Variants in BUB1B observed in about 807,000 individuals in gnomAD.
BUB1B encodes the protein BUB1 mitotic checkpoint serine/threonine kinase B.
A neutral mutation model predicts 137.7 loss-of-function variants in BUB1B; 86 were observed. The ratio of observed to expected loss-of-function variants is 0.62; its 90% CI spans 0.52 to 0.75. The LOEUF (loss-of-function observed/expected upper bound fraction) is 0.75. BUB1B is among the 30% of genes least tolerant of loss of function. The pLI is 0.00. For missense variants in BUB1B, 1,130 were observed against 1,236.9 expected (o/e 0.91, Z 1.30); for synonymous variants, 420 against 417.9 (o/e 1.00, Z -0.06).
Position 40,167,177 on chromosome 15 carries a change from G to GT in BUB1B, c.179+1994dup, listed in dbSNP as rs573448255. Reference sequence around the variant, plus strand: ...ACCCATGGCTGTTTATTTTCTGGGTGTTTTTTTTTTTTTAAACTGCTTAGT... The same window carrying GT: ...ACCCATGGCTGTTTATTTTCTGGGTGTTTTTTTTTTTTTTAAACTGCTTAGT... On this transcript the variant is annotated intron_variant, in intron 2 of 22. Transcript: ENST00000287598. 5.3e-3 allele frequency among the ~76,000 whole-genome samples: 716 copies of GT among 135,610 alleles called. 4 individuals are homozygous for GT. Among genetic ancestry groups the GT allele is most frequent in the African/African-American group, 8.7e-3 (325 of 37,176 alleles). The allele number at this position is 135,610 out of a possible 152,430, so 89.0% of individuals were successfully genotyped here.
intron 8 of BUB1B, among the ~76,000 whole-genome samples, chr15:40,191,154 C>T (rs2037432645): frequency 6.6e-6 from 1 of 152,166 alleles, no homozygotes; most frequent in Admixed American, 6.5e-5. Flanking sequence ...TCCCAAAATG[C>T]TGGGATTACA....
chr15:40,172,337 C>A (rs2037173996), intron 4 of BUB1B, among the ~76,000 whole-genome samples: 2 of 152,118 alleles, frequency 1.3e-5, no homozygotes. Flanking sequence ...TGTGCCCACC[C>A]CTCACCCAGT....
At chr15:40,201,781 C>G (rs1199201063) in intron 12 of BUB1B, among the ~76,000 whole-genome samples, 1 of 152,184 alleles carries the variant, frequency 6.6e-6, no homozygotes, top group Non-Finnish European at 1.5e-5. Context: ...ATTCTCTTGC[C>G]TCAGCCTCCC....
intron 4 of BUB1B, chr15:40,173,923 C>T (rs1335063796): frequency 7.1e-6 from 3 of 424,394 alleles, no homozygotes; most frequent in Admixed American, 5.8e-5. Flanking sequence ...GTGACTCCTA[C>T]AGTCTAGCTA....
At chr15:40,168,808 C>T (rs1555380511) in intron 2 of BUB1B, among the ~76,000 whole-genome samples, 3 of 152,260 alleles carry the variant, frequency 2.0e-5, no homozygotes, top group African/African-American at 2.4e-5. Context: ...CTTCCACCTT[C>T]GTAATTTTAT....
chr15:40,216,571 A>ATTT (rs71426368), intron 20 of BUB1B, among the ~76,000 whole-genome samples: 12 of 83,032 alleles, frequency 1.4e-4, no homozygotes, highest in East Asian at 1.4e-3. Context: ...ATATATATAT[A>ATTT]TTTTTTTTTT....
rs1431665842 is a variant in BUB1B, at chr15:40,196,468, T to C, written c.1059-77T>C. The C allele has an allele frequency of 3.0e-6, 4 of 1,339,656 alleles. No homozygotes were observed. In the African/African-American group the frequency reaches 4.4e-5, roughly 15 times the overall value. 83.0% of individuals were successfully genotyped at this position (1,339,656 alleles called of 1,614,324 possible). A position where few individuals can be genotyped will look rare whatever the true frequency, so the allele number is the denominator to read the frequency against. On this transcript the variant is annotated intron_variant, in intron 8 of 22. Coordinates refer to ENST00000287598, the MANE Select transcript of BUB1B (RefSeq NM_001211.6). ...AATTATTGATGGCCCTTGTAAATTATTTTTAGCTTCTTTTATCAATCTTAT... is the reference window on the plus strand; with the variant it reads ...AATTATTGATGGCCCTTGTAAATTACTTTTAGCTTCTTTTATCAATCTTAT...
At chr15:40,219,238 C>T (rs1282286646) in intron 22 of BUB1B, among the ~76,000 whole-genome samples, 1 of 152,024 alleles carries the variant, frequency 6.6e-6, no homozygotes, top group African/African-American at 2.4e-5. Flanking sequence ...CAATTATTAC[C>T]AAAAGTTAAT....
intron 8 of BUB1B, among the ~76,000 whole-genome samples, chr15:40,195,097 A>G (rs2037482027): frequency 6.6e-6 from 1 of 152,172 alleles, no homozygotes; most frequent in Non-Finnish European, 1.5e-5. Flanking sequence ...TGAGCAGTGT[A>G]CACTGTACCC....
At chr15:40,161,354 A>C in intron 1 of BUB1B, 99 bp downstream of exon 1, 1 of 1,378,674 alleles carries the variant, frequency 7.3e-7, no homozygotes, top group Non-Finnish European at 9.7e-7. Context: ...GGAGATCGGC[A>C]CCGTCAGAAC....
intron 14 of BUB1B, among the ~76,000 whole-genome samples, chr15:40,204,649 CT>C (rs1019763863): frequency 6.7e-6 from 1 of 149,716 alleles, no homozygotes; most frequent in African/African-American, 2.5e-5. Flanking sequence ...TTTTCTTTTT[CT>C]TTTTTAGACA....
Position 40,212,569 on chromosome 15 carries a change from T to C in BUB1B, c.2456T>C (p.Phe819Ser). ...LKLKERLNED[F>S]DHFCSCYQYQ... ...TTAAAGGAACGTTTAAATGAAGATTTTGATCATTTTTGCAGCTGTTATCAA... is the reference window on the plus strand; with the variant it reads ...TTAAAGGAACGTTTAAATGAAGATTCTGATCATTTTTGCAGCTGTTATCAA... The change falls in exon 19 of 23, where the codon TTT becomes TCT. Residue 819 changes from phenylalanine (F) to serine (S), a missense_variant. By Grantham distance (155) the Phe-to-Ser change is radical. Transcript: ENST00000287598. The C allele has an allele frequency of 1.9e-6, 3 of 1,613,312 alleles. No homozygotes were observed. The highest frequency in any genetic ancestry group is 1.7e-6 in the Non-Finnish European group (2 of 1,179,384).
At chr15:40,180,310 A>G (rs1475898344) in intron 5 of BUB1B, among the ~76,000 whole-genome samples, 2 of 136,252 alleles carry the variant, frequency 1.5e-5, no homozygotes, top group Non-Finnish European at 3.0e-5. Context: ...CTGGAGTGCA[A>G]TGGATGGCAC....
At chr15:40,188,577 GTTTTC>G (rs1417778629) in intron 8 of BUB1B, among the ~76,000 whole-genome samples, 2 of 130,604 alleles carry the variant, frequency 1.5e-5, no homozygotes, top group Non-Finnish European at 3.3e-5. Context: ...TCAAATTTAA[GTTTTC>G]TTTTTTTTTT....
intron 18 of BUB1B, among the ~76,000 whole-genome samples, chr15:40,211,749 A>G (rs960268956): frequency 6.6e-6 from 1 of 152,022 alleles, no homozygotes; most frequent in Non-Finnish European, 1.5e-5. Context: ...GACTTCGAGA[A>G]TAGGGGAGAG....
In BUB1B at chr15:40,220,738, T is replaced by C. The variant is rs772941176; in HGVS notation, c.3132T>C (p.Pro1044=). 1 of 1,614,170 alleles carries C rather than the reference T, an allele frequency of 6.2e-7. No homozygotes were observed. The highest frequency in any genetic ancestry group is 1.1e-5 in the South Asian group (1 of 91,086). The change falls in exon 23 of 23, where the codon CCT becomes CCC. Residue 1044 remains proline (P), a synonymous_variant. Coordinates refer to ENST00000287598, the MANE Select transcript of BUB1B (RefSeq NM_001211.6). ...GGAAGGTAGGGAAGTTAACTAGTCC[T>C]GGGGCTTTGCTCTTTCAGTGAGCTA... ...ALWKVGKLTS[P]GALLFQ is the part of the protein sequence containing the mutation.
chr15:40,161,086 G>T lies in BUB1B; in HGVS notation c.-135G>T. 8.3e-7 allele frequency: 1 copy of T among 1,208,638 alleles called. No individual in the cohort carries two copies. Among genetic ancestry groups the T allele is most frequent in the Non-Finnish European group, 1.2e-6 (1 of 866,350 alleles). The allele number at this position is 1,208,638 out of a possible 1,614,324, so 74.9% of individuals were successfully genotyped here. On this transcript the variant is annotated 5_prime_UTR_variant, in exon 1 of 23. Coordinates refer to ENST00000287598, the MANE Select transcript of BUB1B (RefSeq NM_001211.6). ...CTAGGGGTGTGGGCTTGAGGTGGCCGGTTTGTTAGGGAGTCGTGTACGTGC... is the reference window on the plus strand; with the variant it reads ...CTAGGGGTGTGGGCTTGAGGTGGCCTGTTTGTTAGGGAGTCGTGTACGTGC...
chr15:40,192,066 G>A (rs2037445349), intron 8 of BUB1B, among the ~76,000 whole-genome samples: 1 of 152,144 alleles, frequency 6.6e-6, no homozygotes, highest in Admixed American at 6.5e-5. Flanking sequence ...TGTTGAATCT[G>A]TAGGTTAATT....
chr15:40,206,416 G>C lies in BUB1B; in HGVS notation c.1967G>C (p.Cys656Ser). Residue 656 changes from cysteine to serine, a missense_variant, in exon 15 of 23, where the codon TGT (cysteine) becomes TCT (serine). Coordinates refer to ENST00000287598, the MANE Select transcript of BUB1B (RefSeq NM_001211.6). ...VKTSEDQQTACGTIYSQTLSI... is the reference protein window; with the variant it reads ...VKTSEDQQTASGTIYSQTLSI... ...ACCTCTGAGGACCAGCAGACAGCTT[G>C]TGGCACTATCTACAGTCAGACTCTC... 1 of 1,614,224 alleles carries C rather than the reference G, an allele frequency of 6.2e-7. No homozygotes were observed. The highest frequency in any genetic ancestry group is 8.5e-7 in the Non-Finnish European group (1 of 1,180,030).
Sources: gnomAD v4.1 joint callset for allele counts (sites outside exome capture counted in the v4.1 genomes callset) on GRCh38, gnomAD v4.1.1 for gene constraint, MANE v1.5 for transcripts, NCBI Gene and HGNC (gene_info 2026-07-23, HGNC 2026-07-21) for gene names.